DNAJB1: variants seen among roughly 807,000 people sequenced by gnomAD.
The protein encoded by DNAJB1 is dnaJ homolog subfamily B member 1.
In DNAJB1, 14 loss-of-function variants were observed where a neutral mutation model predicts 24.0. That is an observed-to-expected ratio of 0.58 (90% confidence interval 0.39 to 0.91). The LOEUF is 0.91. Among genes scored for constraint, DNAJB1 ranks in the 40% least tolerant of loss-of-function variants. DNAJB1 has a pLI of 0.00. For missense variants in DNAJB1, 517 were observed against 458.1 expected, an observed-to-expected ratio of 1.13 and a Z score of -1.17; for synonymous variants, 262 against 174.4, an observed-to-expected ratio of 1.50 and a Z score of -3.96.
intron 1 of DNAJB1, among the ~76,000 whole-genome samples, chr19:14,528,536 C>T (rs2072490137): frequency 6.6e-6 from 1 of 152,098 alleles, no homozygotes; most frequent in African/African-American, 2.4e-5. Context: ...TCGTTCCCGG[C>T]CTGGACCAGC....
In DNAJB1 at chr19:14,558,319, T is replaced by C. The variant is rs193274480; in HGVS notation, c.-2166+1712A>G. On this transcript the variant is annotated intron_variant, in intron 1 of 5. Coordinates refer to the DNAJB1 transcript ENST00000679223. Reference sequence around the variant, plus strand: ...TCACTCCTCCTGCCCCCATTAGTAATATCTTCATGACCACAAAGACAGTGA... The same window carrying C: ...TCACTCCTCCTGCCCCCATTAGTAACATCTTCATGACCACAAAGACAGTGA... Among the ~76,000 whole-genome samples the C allele has an allele frequency of 1.8e-4, 27 of 152,226 alleles. No individual in the cohort carries two copies. In the East Asian group the frequency reaches 3.3e-3, roughly 19 times the overall value.
At chr19:14,536,706 A>G (rs2072911249) in intron 1 of DNAJB1, 1 of 152,080 alleles carries the variant, frequency 6.6e-6, no homozygotes. Flanking sequence ...TAGGGTATTT[A>G]CATCACGGAA....
chr19:14,537,273 G>T (rs2072936841), intron 1 of DNAJB1, among the ~76,000 whole-genome samples: 1 of 141,070 alleles, frequency 7.1e-6, no homozygotes, highest in Admixed American at 7.1e-5. Context: ...GGACCAGGGA[G>T]GGGGAGGCGG....
At chr19:14,544,750 G>A (rs1599444248) in intron 1 of DNAJB1, among the ~76,000 whole-genome samples, 1 of 151,318 alleles carries the variant, frequency 6.6e-6, no homozygotes, top group Non-Finnish European at 1.5e-5. Flanking sequence ...CTTGTGCCCC[G>A]GCCTCCCAAG....
At chr19:14,543,588 G>A (rs1427106299) in intron 1 of DNAJB1, among the ~76,000 whole-genome samples, 7 of 146,518 alleles carry the variant, frequency 4.8e-5, no homozygotes, top group African/African-American at 7.5e-5. Context: ...ACAGGCGCCC[G>A]CTACCACGCC....
At chr19:14,518,486 C>A (rs538551509), upstream of DNAJB1, 6 of 627,636 alleles carry the variant, frequency 9.6e-6, no homozygotes, top group East Asian at 3.5e-5. Flanking sequence ...GCCCCGCCCG[C>A]CCCCGCGGCG....
chr19:14,547,062 T>C (rs542526019), intron 1 of DNAJB1, among the ~76,000 whole-genome samples: 1 of 152,306 alleles, frequency 6.6e-6, no homozygotes, highest in East Asian at 1.9e-4. Flanking sequence ...CATAAACATG[T>C]ATTATAATAA....
At chr19:14,539,321 C>T (rs1229290889) in intron 1 of DNAJB1, among the ~76,000 whole-genome samples, 1 of 151,970 alleles carries the variant, frequency 6.6e-6, no homozygotes, top group Middle Eastern at 3.2e-3. Context: ...ATGATCAGCT[C>T]TTTCCTTCTT....
At chr19:14,525,110 T>G (rs1388807911) in intron 2 of DNAJB1, among the ~76,000 whole-genome samples, 1 of 151,210 alleles carries the variant, frequency 6.6e-6, no homozygotes, top group Admixed American at 6.6e-5. Flanking sequence ...GGTGCACACC[T>G]GTAACCCAGC....
upstream of DNAJB1, among the ~76,000 whole-genome samples, chr19:14,521,315 C>T (rs911109907): frequency 3.3e-5 from 5 of 151,890 alleles, no homozygotes; most frequent in Admixed American, 6.6e-5. Context: ...AAAAATTAGT[C>T]GGGTGCGGTG....
chr19:14,529,536 C>T (rs373360580), upstream of DNAJB1: 29 of 1,009,038 alleles, frequency 2.9e-5, no homozygotes, highest in African/African-American at 4.1e-4. Flanking sequence ...GCGCCTCGTG[C>T]CCTGATTGGC....
At chr19:14,545,473 T>C (rs1191046680) in intron 1 of DNAJB1, among the ~76,000 whole-genome samples, 1 of 152,064 alleles carries the variant, frequency 6.6e-6, no homozygotes, top group African/African-American at 2.4e-5. Context: ...AATAGGTGCT[T>C]TGTTCATGTC....
At chr19:14,523,273 GA>G (rs1053128238), upstream of DNAJB1, among the ~76,000 whole-genome samples, 1 of 152,220 alleles carries the variant, frequency 6.6e-6, no homozygotes, top group Admixed American at 6.5e-5. Context: ...AAATTGAGAG[GA>G]AATGAACAGG....
At chr19:14,518,073 G>A (rs1309018000) in intron 1 of DNAJB1, 66 bp downstream of exon 1, 4 of 1,365,950 alleles carry the variant, frequency 2.9e-6, no homozygotes, top group Middle Eastern at 2.3e-4. Context: ...GCCGAGAGGG[G>A]CCAGCGTGCC....
intron 1 of DNAJB1, chr19:14,536,549 C>G (rs1431680222): frequency 6.6e-6 from 1 of 152,148 alleles, no homozygotes; most frequent in Non-Finnish European, 1.5e-5. Flanking sequence ...GGATTACAGG[C>G]GTGAGCCACA....
chr19:14,516,685 G>A lies in DNAJB1; in HGVS notation c.573C>T (p.Asn191=). 1 of 1,614,142 alleles carries A rather than the reference G, an allele frequency of 6.2e-7. No homozygotes were observed. The highest frequency in any genetic ancestry group is 8.5e-7 in the Non-Finnish European group (1 of 1,180,020). ...KKMKISHKRL[N]PDGKSIRNED... is the part of the protein sequence containing the mutation. ...CGTTTCGAATGCTCTTTCCGTCGGG[G>A]TTTAGCCGCTTGTGGGAGATTTTCA... Residue 191 remains asparagine, a synonymous_variant, in exon 2 of 3, where the codon AAC becomes AAT. Coordinates refer to ENST00000254322, the MANE Select transcript of DNAJB1 (RefSeq NM_006145.3).
At chr19:14,546,097 C>T (rs760218513) in intron 1 of DNAJB1, among the ~76,000 whole-genome samples, 29 of 152,244 alleles carry the variant, frequency 1.9e-4, no homozygotes, top group Admixed American at 3.3e-4. Context: ...CATGCTAGCT[C>T]GTCCCTGGGG....
chr19:14,519,616 G>A (rs1599383492), upstream of DNAJB1, among the ~76,000 whole-genome samples: 3 of 152,136 alleles, frequency 2.0e-5, no homozygotes, highest in East Asian at 5.8e-4. Flanking sequence ...GGCTTTCAAT[G>A]TGTCTTCCCT....
At chr19:14,547,660 TA>T (rs1352564166) in intron 1 of DNAJB1, among the ~76,000 whole-genome samples, 5 of 110,864 alleles carry the variant, frequency 4.5e-5, no homozygotes, top group Non-Finnish European at 7.8e-5. Flanking sequence ...CTGTACCTAA[TA>T]TTTTTTTTTT....
Sources: allele counts gnomAD v4.1 joint callset (sites outside exome capture counted in the v4.1 genomes callset), GRCh38; gene constraint gnomAD v4.1.1; transcripts MANE v1.5; gene names NCBI Gene and HGNC (gene_info 2026-07-23, HGNC 2026-07-21).